CD96: variants seen among roughly 807,000 people sequenced by gnomAD.
CD96 encodes the protein CD96 molecule.
Under a neutral mutation model 71.3 loss-of-function variants are expected in CD96, and 70 were observed. The ratio of observed to expected loss-of-function variants is 0.98; its 90% confidence interval spans 0.81 to 1.20. The LOEUF is 1.20. Among genes scored for constraint, CD96 ranks in the 50% most tolerant of loss-of-function variants. CD96 has a pLI of 0.00. For synonymous variants in CD96, 248 were observed against 233.0 expected (o/e 1.06, Z -0.59); for missense variants, 742 against 677.5 (o/e 1.10, Z -1.06).
chr3:111,550,766 G>A (rs2107480720), intron 2 of CD96, among the ~76,000 whole-genome samples: 1 of 152,212 alleles, frequency 6.6e-6, no homozygotes, highest in South Asian at 2.1e-4. Flanking sequence ...TGAAACAGCT[G>A]CTATGGATAG....
rs1940039251 is a variant in CD96 at position 111,650,738 on chromosome 3, T to C, written c.*932T>C. 6.6e-6 allele frequency: 1 copy of C among 152,254 alleles called. No individual in the cohort carries two copies. Among genetic ancestry groups the C allele is most frequent in the African/African-American group, 2.4e-5 (1 of 41,462 alleles). 9.4% of individuals were successfully genotyped at this position (152,254 alleles called of 1,614,324 possible). A position where few individuals can be genotyped will look rare whatever the true frequency, so the allele number is the denominator to read the frequency against. On this transcript the variant is annotated 3_prime_UTR_variant, in exon 14 of 14. Coordinates refer to ENST00000352690, the MANE Select transcript of CD96 (RefSeq NM_005816.5). ...CAGACCAGCACTGATTAATTAACCCTGCTCCTACCAATCTTTTTTAAAGCA... is the reference window on the plus strand; with the variant it reads ...CAGACCAGCACTGATTAATTAACCCCGCTCCTACCAATCTTTTTTAAAGCA...
intron 10 of CD96, among the ~76,000 whole-genome samples, chr3:111,624,782 T>C (rs1317406863): frequency 6.6e-6 from 1 of 152,188 alleles, no homozygotes; most frequent in South Asian, 2.1e-4. Flanking sequence ...GTGAATATAT[T>C]TGGGGAAAGA....
rs752118398 is a variant in CD96 at position 111,649,850 on chromosome 3, A to G, written c.*44A>G. On this transcript the variant is annotated 3_prime_UTR_variant, in exon 14 of 14. Coordinates refer to ENST00000352690, the MANE Select transcript of CD96 (RefSeq NM_005816.5). ...CATGGCAGAACTCTGCTGGAATCCT[A>G]TTGAGAAGGTAGACATTGTGCTTTA... 6 of 1,177,736 alleles carry G rather than the reference A, an allele frequency of 5.1e-6. No homozygotes were observed. Among genetic ancestry groups the G allele is most frequent in the Non-Finnish European group, 6.4e-6 (5 of 781,814 alleles). 73.0% of individuals were successfully genotyped at this position (1,177,736 alleles called of 1,614,324 possible). A position where few individuals can be genotyped will look rare whatever the true frequency, so the allele number is the denominator to read the frequency against.
intron 8 of CD96, among the ~76,000 whole-genome samples, chr3:111,610,753 T>C (rs1937880599): frequency 6.6e-6 from 1 of 152,176 alleles, no homozygotes; most frequent in Admixed American, 6.5e-5. Context: ...CAGAGACAAC[T>C]GATGAATCCA....
intron 8 of CD96, 25 bp downstream of exon 8, chr3:111,606,817 A>G: frequency 7.9e-7 from 1 of 1,270,968 alleles, no homozygotes; most frequent in South Asian, 1.2e-5. Context: ...ACACTGAGCT[A>G]TTGATTTAAC....
At chr3:111,601,173 T>G (rs1316038397) in intron 7 of CD96, among the ~76,000 whole-genome samples, 1 of 152,242 alleles carries the variant, frequency 6.6e-6, no homozygotes, top group Non-Finnish European at 1.5e-5. Flanking sequence ...TTGTTCCAAT[T>G]TAATTCATCA....
At chr3:111,595,781 G>C (rs1417873879) in intron 5 of CD96, among the ~76,000 whole-genome samples, 1 of 151,698 alleles carries the variant, frequency 6.6e-6, no homozygotes, top group African/African-American at 2.4e-5. Context: ...GATTGAGAAG[G>C]AAAACCTACC....
downstream of CD96, among the ~76,000 whole-genome samples, chr3:111,656,163 TA>T (rs1940224973): frequency 6.6e-6 from 1 of 151,904 alleles, no homozygotes; most frequent in Non-Finnish European, 1.5e-5. Context: ...ATATTGAGGA[TA>T]AAAAACTGAA....
chr3:111,575,156 A>G (rs1400947318), intron 3 of CD96, among the ~76,000 whole-genome samples: 1 of 152,152 alleles, frequency 6.6e-6, no homozygotes, highest in Admixed American at 6.5e-5. Context: ...GTGAGACTGT[A>G]TATAGCAAAG....
At chr3:111,542,381 A>G in intron 1 of CD96, 72 bp downstream of exon 1, 1 of 660,474 alleles carries the variant, frequency 1.5e-6, no homozygotes, top group Non-Finnish European at 2.6e-6. Flanking sequence ...GTTCATTTAA[A>G]ATGCCTTGTG....
chr3:111,623,459 C>G (rs952527618), intron 8 of CD96, among the ~76,000 whole-genome samples: 4 of 152,092 alleles, frequency 2.6e-5, no homozygotes, highest in African/African-American at 9.7e-5. Context: ...ATATCCCCAG[C>G]GTGCAGAATA....
intron 10 of CD96, 97 bp downstream of exon 10, chr3:111,624,501 A>G: frequency 1.3e-6 from 1 of 795,614 alleles, no homozygotes; most frequent in Non-Finnish European, 2.2e-6. Context: ...TTGTAATAAT[A>G]TTTGCAAATG....
chr3:111,586,030 A>G (rs536488742), intron 5 of CD96, among the ~76,000 whole-genome samples: 53 of 152,288 alleles, frequency 3.5e-4, no homozygotes, highest in African/African-American at 1.2e-3. Flanking sequence ...CAGTTTCCCC[A>G]TCTATATGAA....
At chr3:111,593,447 C>G in intron 5 of CD96, 1 of 1,425,798 alleles carries the variant, frequency 7.0e-7, no homozygotes, top group Non-Finnish European at 9.3e-7. Context: ...AGCAAAATGT[C>G]ACCAAACTAC....
At position 111,638,150 on chromosome 3, in the gene CD96, A is replaced by T. The variant is rs1939427015; in HGVS notation, c.1459A>T (p.Asn487Tyr). ...PTTANGSTKT[N>Y]HVHITGIVVN... Reference sequence around the variant, plus strand: ...AACTGCCAATGGATCTACGAAAACTAATCACGTCCATATCACTGGTAAGTC... The same window carrying T: ...AACTGCCAATGGATCTACGAAAACTTATCACGTCCATATCACTGGTAAGTC... Residue 487 changes from asparagine to tyrosine, a missense_variant, in exon 12 of 14, where the codon AAT (asparagine) becomes TAT (tyrosine). By Grantham distance (143) the Asn-to-Tyr change is moderately radical (BLOSUM62 -2). Coordinates refer to ENST00000352690, the MANE Select transcript of CD96 (RefSeq NM_005816.5). 13 of 1,598,476 alleles carry T rather than the reference A, an allele frequency of 8.1e-6. No homozygotes were observed. The highest frequency in any genetic ancestry group is 1.3e-5 in the African/African-American group (1 of 74,576).
At position 111,623,782 on chromosome 3, in the gene CD96, T is replaced by C. The variant is rs1357916806; in HGVS notation, c.1209T>C (p.Leu403=). The C allele has an allele frequency of 1.2e-6, 2 of 1,612,094 alleles. No homozygotes were observed. Among genetic ancestry groups the C allele is most frequent in the East Asian group, 2.2e-5 (1 of 44,846 alleles). The change falls in exon 9 of 14, where the codon CTT becomes CTC. Residue 403 remains leucine (L), a synonymous_variant. Coordinates refer to ENST00000352690, the MANE Select transcript of CD96 (RefSeq NM_005816.5). ...ATCCAGCTACATCTTCAGTGACCCT[T>C]GTAGATGTGAGTGCCTTGAGGCCAA... is the stretch of plus-strand genomic sequence containing the variant. ...ARYPATSSVT[L]VDVSALRPNT...
In CD96 at chr3:111,622,993, A is replaced by G. The variant is rs117087535; in HGVS notation, c.1181-761A>G. ...CAACAGGACTCAACATAATTTTTCT[A>G]CTGTATTTTCCTTGTTCCTATTTTG... On this transcript the variant is annotated intron_variant, in intron 8 of 13. Coordinates refer to ENST00000352690, the MANE Select transcript of CD96 (RefSeq NM_005816.5). Among the ~76,000 whole-genome samples, 28 of 152,260 alleles carry G rather than the reference A, an allele frequency of 1.8e-4. No homozygotes were observed. In the East Asian group the frequency reaches 3.5e-3, roughly 19 times the overall value.
At chr3:111,563,296 T>G (rs571223358) in intron 2 of CD96, among the ~76,000 whole-genome samples, 1 of 152,322 alleles carries the variant, frequency 6.6e-6, no homozygotes, top group South Asian at 2.1e-4. Flanking sequence ...GCTTCAGGTT[T>G]TAGGCACCTA....
intron 4 of CD96, among the ~76,000 whole-genome samples, chr3:111,583,232 A>G (rs919392664): frequency 6.6e-6 from 1 of 152,192 alleles, no homozygotes; most frequent in Non-Finnish European, 1.5e-5. Context: ...CTTTGACTCT[A>G]TGTCTTGCAT....
Sources: gnomAD v4.1 joint callset for allele counts (sites outside exome capture counted in the v4.1 genomes callset) on GRCh38, gnomAD v4.1.1 for gene constraint, MANE v1.5 for transcripts, NCBI Gene and HGNC (gene_info 2026-07-23, HGNC 2026-07-21) for gene names.